Variants in SYTL5 observed in about 807,000 individuals in gnomAD.
SYTL5 encodes synaptotagmin-like protein 5.
A neutral mutation model predicts 55.9 loss-of-function variants in SYTL5; 34 were observed. The observed-to-expected ratio is 0.61, with a 90% CI of 0.46 to 0.81. SYTL5 has a LOEUF of 0.81. Ranked by LOEUF, SYTL5 falls within the 30% of genes least tolerant of loss-of-function variation. The pLI, the probability that SYTL5 is intolerant of heterozygous loss-of-function variation, is 0.00. For synonymous variants in SYTL5, 221 were observed against 188.7 expected (o/e 1.17, Z -1.40); for missense variants, 637 against 546.7 (o/e 1.17, Z -1.65).
intron 3 of SYTL5, among the ~76,000 whole-genome samples, chrX:38,062,207 T>C (rs1470764316): frequency 1.8e-5 from 2 of 111,381 alleles, no homozygotes; most frequent in African/African-American, 6.5e-5. Flanking sequence ...TGACCTCAAG[T>C]GATCCACCCA....
chrX:37,919,795 A>G, the SYTL5 span, among the ~76,000 whole-genome samples: 1 of 112,640 alleles, frequency 8.9e-6, no homozygotes, highest in Non-Finnish European at 1.9e-5. Flanking sequence ...ACATTTTTGT[A>G]ACCTTTTTGT....
the SYTL5 span, among the ~76,000 whole-genome samples, chrX:37,926,183 T>A: frequency 1.2e-4 from 13 of 111,790 alleles, no homozygotes; most frequent in Non-Finnish European, 2.1e-4. Flanking sequence ...CTTAGAGGAA[T>A]CTCCATACTG....
chrX:38,055,255 G>A, intron 3 of SYTL5, among the ~76,000 whole-genome samples: 1 of 111,807 alleles, frequency 8.9e-6, no homozygotes, highest in Admixed American at 9.5e-5. Flanking sequence ...CTCATTCCTT[G>A]AGAAAGAATG....
the SYTL5 span, among the ~76,000 whole-genome samples, chrX:37,931,570 T>C: frequency 9.0e-6 from 1 of 111,047 alleles, no homozygotes; most frequent in African/African-American, 3.3e-5. Flanking sequence ...TACTTGTTTA[T>C]TACCTACTTT....
chrX:38,072,270 C>T (rs962299798), intron 4 of SYTL5, 108 bp downstream of exon 4: 1 of 506,676 alleles, frequency 2.0e-6, no homozygotes, highest in East Asian at 3.7e-5. Flanking sequence ...TTTCTTGAAT[C>T]CCTTAGGGCA....
chrX:37,893,726 A>C, the SYTL5 span, among the ~76,000 whole-genome samples: 2 of 92,096 alleles, frequency 2.2e-5, no homozygotes, highest in East Asian at 3.3e-4. Flanking sequence ...TATAGATTAT[A>C]TATAATCTAT....
chrX:38,055,309 G>T (rs1935752816), intron 3 of SYTL5, among the ~76,000 whole-genome samples: 1 of 111,777 alleles, frequency 8.9e-6, no homozygotes, highest in Admixed American at 9.5e-5. Flanking sequence ...TAGCCTGTGG[G>T]AGTGCAGTAA....
chrX:37,941,717 T>C, the SYTL5 span, among the ~76,000 whole-genome samples: 1 of 112,134 alleles, frequency 8.9e-6, no homozygotes, highest in African/African-American at 3.2e-5. Context: ...CAAGTTCCCA[T>C]GTGATGCTTA....
intron 2 of SYTL5, among the ~76,000 whole-genome samples, chrX:38,051,197 G>A: frequency 8.9e-6 from 1 of 111,793 alleles, no homozygotes; most frequent in Non-Finnish European, 1.9e-5. Context: ...GTAGACAGGA[G>A]ATGACCAGAG....
chrX:37,980,535 A>G, the SYTL5 span, among the ~76,000 whole-genome samples: 3 of 112,399 alleles, frequency 2.7e-5, no homozygotes, highest in African/African-American at 9.7e-5. Context: ...AAGAAAATCT[A>G]TTAAAATTGG....
the SYTL5 span, among the ~76,000 whole-genome samples, chrX:37,901,328 G>C: frequency 8.9e-6 from 1 of 111,860 alleles, no homozygotes; most frequent in Admixed American, 9.5e-5. Context: ...ATTGCAGGAA[G>C]AGGCATTGAT....
the SYTL5 span, among the ~76,000 whole-genome samples, chrX:37,972,713 T>C: frequency 1.9e-3 from 209 of 111,852 alleles, no homozygotes; most frequent in Non-Finnish European, 3.3e-3. Flanking sequence ...GTTTTACATA[T>C]TTTAGGAAGG....
chrX:37,976,259 A>G, the SYTL5 span, among the ~76,000 whole-genome samples: 6 of 112,803 alleles, frequency 5.3e-5, no homozygotes, highest in East Asian at 1.7e-3. Context: ...AGATGTAAAT[A>G]TTTACCATCA....
the SYTL5 span, chrX:37,949,178 A>C: frequency 8.9e-6 from 1 of 111,893 alleles, no homozygotes; most frequent in Non-Finnish European, 1.9e-5. Flanking sequence ...TTTCTAATAA[A>C]AGGAACAAGG....
the SYTL5 span, among the ~76,000 whole-genome samples, chrX:37,983,680 T>C: frequency 8.0e-5 from 9 of 112,237 alleles, no homozygotes; most frequent in African/African-American, 2.6e-4. Flanking sequence ...CCCAACAAAG[T>C]AGGATGTTTA....
chrX:37,893,868 G>C, the SYTL5 span, among the ~76,000 whole-genome samples: 16,413 of 98,925 alleles, frequency 0.17, 3,193 homozygotes, highest in African/African-American at 0.56. Context: ...TTAATTGCTT[G>C]ATAAATTTTT....
intron 2 of SYTL5, among the ~76,000 whole-genome samples, chrX:38,051,887 A>G (rs756937243): frequency 1.8e-5 from 2 of 111,403 alleles, no homozygotes; most frequent in Non-Finnish European, 3.8e-5. Context: ...GGAGACGCAC[A>G]ATCCCAAGCA....
chrX:38,102,821 A>G (rs970835873), intron 10 of SYTL5, among the ~76,000 whole-genome samples: 32 of 111,944 alleles, frequency 2.9e-4, no homozygotes, highest in Admixed American at 2.9e-4. Context: ...ATGCCCAATC[A>G]GGTCTGTCTT....
At position 38,125,527 on chromosome X, in the gene SYTL5, C is replaced by T. The variant is rs201839418; in HGVS notation, c.2050+21C>T. On this transcript the variant is annotated intron_variant, in intron 16 of 16. Transcript: ENST00000297875. ...AAGTGGTGAGGGATTTGGGGACCCACAGGGATGGTCTGTGACTAGGCCCAG... is the reference window on the plus strand; with the variant it reads ...AAGTGGTGAGGGATTTGGGGACCCATAGGGATGGTCTGTGACTAGGCCCAG... The T allele has an allele frequency of 1.9e-4, 220 of 1,173,295 alleles. 1 individual carries two copies. The Admixed American group carries it at 4.7e-3, about 25-fold the overall frequency.
Sources: allele counts gnomAD v4.1 joint callset (sites outside exome capture counted in the v4.1 genomes callset), GRCh38; gene constraint gnomAD v4.1.1; transcripts MANE v1.5; gene names NCBI Gene and HGNC (gene_info 2026-07-23, HGNC 2026-07-21).